KCND3: variants seen among roughly 807,000 people sequenced by gnomAD.
KCND3 encodes potassium voltage-gated channel subfamily D member 3.
A neutral mutation model predicts 51.1 loss-of-function variants in KCND3; 9 were observed. That is an observed-to-expected ratio of 0.18 (90% CI 0.11 to 0.31). KCND3 has a LOEUF of 0.31. KCND3 is among the 10% of genes least tolerant of loss of function. KCND3 has a pLI of 1.00. For synonymous variants in KCND3, 349 were observed against 368.0 expected, an observed-to-expected ratio of 0.95 and a Z score of 0.59; for missense variants, 526 against 903.8, an observed-to-expected ratio of 0.58 and a Z score of 5.36.
rs148452400 is a variant in KCND3 at position 111,773,605 on chromosome 1, G to C, written c.*2472C>G. Reference sequence around the variant, plus strand: ...CTGGCTAATTTTTGTATTTTTAGTAGAGATGGGGTTTCACCATGTTGGCCA... The same window carrying C: ...CTGGCTAATTTTTGTATTTTTAGTACAGATGGGGTTTCACCATGTTGGCCA... On this transcript the variant is annotated 3_prime_UTR_variant, in exon 8 of 8. Transcript: ENST00000302127. 1 of 151,858 alleles carries C rather than the reference G, an allele frequency of 6.6e-6. No individual in the cohort carries two copies. Among genetic ancestry groups the C allele is most frequent in the East Asian group, 1.9e-4 (1 of 5,174 alleles). 9.4% of individuals were successfully genotyped at this position (151,858 alleles called of 1,614,324 possible). A position where few individuals can be genotyped will look rare whatever the true frequency, so the allele number is the denominator to read the frequency against.
intron 6 of KCND3, 52 bp downstream of exon 6, chr1:111,778,384 A>C: frequency 6.5e-7 from 1 of 1,533,674 alleles, no homozygotes; most frequent in South Asian, 1.1e-5. Context: ...GAATCCACAG[A>C]CTCAGAATTA....
chr1:111,861,196 C>T (rs1322887266), intron 2 of KCND3, among the ~76,000 whole-genome samples: 5 of 151,940 alleles, frequency 3.3e-5, no homozygotes, highest in Non-Finnish European at 7.4e-5. Flanking sequence ...AGGTAGATGG[C>T]GTAGATAACA....
chr1:111,851,449 C>T (rs1377895303), intron 2 of KCND3, among the ~76,000 whole-genome samples: 1 of 152,206 alleles, frequency 6.6e-6, no homozygotes, highest in Non-Finnish European at 1.5e-5. Context: ...ACCCAGCTCA[C>T]ATACCTCTGT....
chr1:111,834,195 G>A (rs1666976212), intron 2 of KCND3, among the ~76,000 whole-genome samples: 1 of 152,206 alleles, frequency 6.6e-6, no homozygotes. Context: ...TTGGAAAAGA[G>A]GGTAAAGTCC....
intron 2 of KCND3, among the ~76,000 whole-genome samples, chr1:111,812,927 C>T (rs969550626): frequency 6.6e-5 from 10 of 152,172 alleles, no homozygotes; most frequent in Non-Finnish European, 1.3e-4. Context: ...CTGTGCCCCT[C>T]ACTCCCACCA....
chr1:111,880,848 A>C (rs925724596), intron 2 of KCND3, among the ~76,000 whole-genome samples: 4 of 152,016 alleles, frequency 2.6e-5, no homozygotes, highest in African/African-American at 9.7e-5. Context: ...AGGTAATTAC[A>C]ACAGGTTTTT....
intron 2 of KCND3, among the ~76,000 whole-genome samples, chr1:111,975,304 G>A (rs1018604362): frequency 1.3e-5 from 2 of 152,160 alleles, no homozygotes; most frequent in East Asian, 3.9e-4. Flanking sequence ...GCCATCCTGC[G>A]AGGCCTTGAG....
chr1:111,959,703 G>A (rs1317034933), intron 2 of KCND3, among the ~76,000 whole-genome samples: 1 of 152,188 alleles, frequency 6.6e-6, no homozygotes, highest in Non-Finnish European at 1.5e-5. Context: ...GTCCCTGCTA[G>A]GTGCTCTGTG....
At chr1:111,835,667 A>G (rs748210033) in intron 2 of KCND3, among the ~76,000 whole-genome samples, 1 of 152,236 alleles carries the variant, frequency 6.6e-6, no homozygotes, top group Non-Finnish European at 1.5e-5. Context: ...CCATGGCAAC[A>G]TCCGGAAGTT....
intron 2 of KCND3, among the ~76,000 whole-genome samples, chr1:111,850,634 G>A (rs1667770316): frequency 6.6e-6 from 1 of 152,328 alleles, no homozygotes; most frequent in East Asian, 1.9e-4. Context: ...ATAGCCCGCA[G>A]GGGATTCTGA....
Position 111,773,217 on chromosome 1 carries a change from AACATGGGAAATT to A in KCND3, c.*2848_*2859del, listed in dbSNP as rs1291770742. 1.3e-5 allele frequency: 2 copies of A among 152,190 alleles called. No individual in the cohort carries two copies. Among genetic ancestry groups the A allele is most frequent in the Non-Finnish European group, 2.9e-5 (2 of 68,038 alleles). 9.4% of individuals were successfully genotyped at this position (152,190 alleles called of 1,614,324 possible). A position where few individuals can be genotyped will look rare whatever the true frequency, so the allele number is the denominator to read the frequency against. On this transcript the variant is annotated 3_prime_UTR_variant, in exon 8 of 8. Coordinates refer to ENST00000302127, the MANE Select transcript of KCND3 (RefSeq NM_001378969.1). ...TTCTGTTGATTAGGACCAATAAAAAAACATGGGAAATTGCTTGGGACATGATATTTAACATTT... is the reference window on the plus strand; with the variant it reads ...TTCTGTTGATTAGGACCAATAAAAAAGCTTGGGACATGATATTTAACATTT...
At chr1:111,955,860 G>A (rs12404774) in intron 2 of KCND3, among the ~76,000 whole-genome samples, 8 of 152,120 alleles carry the variant, frequency 5.3e-5, no homozygotes, top group African/African-American at 1.7e-4. Flanking sequence ...TTCTGCCTTC[G>A]AGAAACAAAC....
chr1:111,791,903 T>C (rs1290741675), intron 2 of KCND3, among the ~76,000 whole-genome samples: 1 of 152,214 alleles, frequency 6.6e-6, no homozygotes, highest in Non-Finnish European at 1.5e-5. Context: ...TTCAACATCA[T>C]CCACCAGTAT....
intron 2 of KCND3, among the ~76,000 whole-genome samples, chr1:111,901,726 G>A (rs559066899): frequency 6.6e-6 from 1 of 152,212 alleles, no homozygotes; most frequent in East Asian, 1.9e-4. Context: ...TCTGAGAGAT[G>A]TGGGTCCCAA....
intron 2 of KCND3, among the ~76,000 whole-genome samples, chr1:111,838,273 G>A (rs184820361): frequency 5.3e-5 from 8 of 152,198 alleles, no homozygotes; most frequent in Admixed American, 5.2e-4. Flanking sequence ...TCCAGGTGGT[G>A]GAGGTCATCT....
At position 111,787,040 on chromosome 1, in the gene KCND3, G is replaced by A. The variant is rs533201615; in HGVS notation, c.1173C>T (p.Gly391=). Residue 391 remains glycine, a synonymous_variant, in exon 3 of 8, where the codon GGC becomes GGT. Coordinates refer to ENST00000302127, the MANE Select transcript of KCND3 (RefSeq NM_001378969.1). ...GGACTGGCAGGGCAATGACCAGGAC[G>A]CCACTCAAGGAGCAGATGGAGCCGA... ...KIFGSICSLS[G]VLVIALPVPV... is the part of the protein sequence containing the mutation. 15 of 1,614,172 alleles carry A rather than the reference G, an allele frequency of 9.3e-6. No homozygotes were observed. Among genetic ancestry groups the A allele is most frequent in the African/African-American group, 5.3e-5 (4 of 75,052 alleles).
chr1:111,788,479 A>T (rs1171998523), intron 2 of KCND3, among the ~76,000 whole-genome samples: 1 of 152,224 alleles, frequency 6.6e-6, no homozygotes, highest in Non-Finnish European at 1.5e-5. Context: ...GACATGGCAG[A>T]GGTAGACAGG....
chr1:111,950,016 T>C (rs796116855), intron 2 of KCND3, among the ~76,000 whole-genome samples: 9 of 152,302 alleles, frequency 5.9e-5, no homozygotes, highest in African/African-American at 2.2e-4. Flanking sequence ...GTTCGAGCAG[T>C]TCTTCTGCCT....
chr1:111,964,364 C>T (rs1019716515), intron 2 of KCND3, among the ~76,000 whole-genome samples: 7 of 152,166 alleles, frequency 4.6e-5, no homozygotes, highest in African/African-American at 1.7e-4. Context: ...CTGCGGGCTG[C>T]AGTACACAGG....
Sources: gnomAD v4.1 joint callset for allele counts (sites outside exome capture counted in the v4.1 genomes callset) on GRCh38, gnomAD v4.1.1 for gene constraint, MANE v1.5 for transcripts, NCBI Gene and HGNC (gene_info 2026-07-23, HGNC 2026-07-21) for gene names.